SLC5A4: variants seen among roughly 807,000 people sequenced by gnomAD.
The protein encoded by SLC5A4 is probable glucose sensor protein SLC5A4.
In SLC5A4, 55 loss-of-function variants were observed where a neutral mutation model predicts 70.3. That is an observed-to-expected ratio of 0.78 (90% CI 0.63 to 0.98). The LOEUF (loss-of-function observed/expected upper bound fraction) is 0.98, where lower values mean the gene tolerates loss of function less well. Ranked by LOEUF, SLC5A4 falls within the 50% of genes least tolerant of loss-of-function variation. The pLI is 0.00. For missense variants in SLC5A4, 735 were observed against 839.2 expected, an observed-to-expected ratio of 0.88 and a Z score of 1.53; for synonymous variants, 268 against 305.7, an observed-to-expected ratio of 0.88 and a Z score of 1.29.
At chr22:32,297,189 C>T in the SLC5A4 span, among the ~76,000 whole-genome samples, 2 of 151,418 alleles carry the variant, frequency 1.3e-5, no homozygotes, top group African/African-American at 4.9e-5. Context: ...GGGAGGATTC[C>T]CTCTTTTTCT....
chr22:32,271,061 C>T, the SLC5A4 span: 1 of 579,264 alleles, frequency 1.7e-6, no homozygotes, highest in African/African-American at 1.8e-5. Flanking sequence ...TTTGGGATCC[C>T]TCTTCAGTCC....
At chr22:32,242,654 A>G (rs1415940237) in intron 5 of SLC5A4, among the ~76,000 whole-genome samples, 1 of 152,204 alleles carries the variant, frequency 6.6e-6, no homozygotes, top group East Asian at 1.9e-4. Context: ...GGTTGCAGTG[A>G]ACTGAGGTCA....
chr22:32,279,443 G>A, the SLC5A4 span, among the ~76,000 whole-genome samples: 1 of 152,156 alleles, frequency 6.6e-6, no homozygotes, highest in African/African-American at 2.4e-5. Flanking sequence ...AACCAAGGAA[G>A]AGGCTGCAAT....
At chr22:32,322,071 G>A in the SLC5A4 span, among the ~76,000 whole-genome samples, 1 of 152,156 alleles carries the variant, frequency 6.6e-6, no homozygotes, top group Non-Finnish European at 1.5e-5. Context: ...GTACAGTAAG[G>A]GACCCATCAC....
chr22:32,333,200 C>CCCCA, the SLC5A4 span, among the ~76,000 whole-genome samples: 3 of 148,420 alleles, frequency 2.0e-5, no homozygotes, highest in East Asian at 6.5e-4. Flanking sequence ...ACTGGCACCC[C>CCCCA]CCCCCCAGAA....
chr22:32,251,885 A>G lies in SLC5A4; in HGVS notation c.208-11T>C. ...GAGAGAGGCGCCCATCTGGAATGCA[A>G]GAGAACAGACTAGGGTTGGAGTTAA... is the stretch of plus-strand genomic sequence containing the variant. On this transcript the variant is annotated splice_polypyrimidine_tract_variant and intron_variant, in intron 2 of 14. Transcript: ENST00000266086. 1 of 1,590,224 alleles carries G rather than the reference A, an allele frequency of 6.3e-7. No individual in the cohort carries two copies. The highest frequency in any genetic ancestry group is 1.1e-5 in the South Asian group (1 of 90,620).
chr22:32,287,141 T>A, the SLC5A4 span, among the ~76,000 whole-genome samples: 3 of 152,204 alleles, frequency 2.0e-5, no homozygotes, highest in Non-Finnish European at 4.4e-5. Context: ...GACATTGTAT[T>A]ACAAAAGAAA....
chr22:32,239,574 A>AT (rs1926363313), intron 5 of SLC5A4, among the ~76,000 whole-genome samples: 1 of 24,974 alleles, frequency 4.0e-5, no homozygotes, highest in African/African-American at 2.3e-4. Context: ...ATATATTTAT[A>AT]TATATATTTA....
At chr22:32,354,085 C>CA in the SLC5A4 span, among the ~76,000 whole-genome samples, 10 of 150,548 alleles carry the variant, frequency 6.6e-5, no homozygotes, top group Admixed American at 2.0e-4. Context: ...CCAGGTAGCA[C>CA]ACCCACCAGC....
In SLC5A4 at chr22:32,237,308, C is replaced by T. The variant is rs971090817; in HGVS notation, c.600G>A (p.Val200=). 15 of 1,603,738 alleles carry T rather than the reference C, an allele frequency of 9.4e-6. No homozygotes were observed. In the African/African-American group the frequency reaches 1.6e-4, roughly 17 times the overall value. The change falls in exon 7 of 15, where the codon GTG becomes GTA. Residue 200 remains valine (V), a synonymous_variant. Transcript: ENST00000266086. ...TGGTCTGGAGGGTGTCTGTGTAAAT[C>T]ACCGAGGCCAAGCCCCCTAGTGAGA... is the stretch of plus-strand genomic sequence containing the variant. The part of the protein sequence containing the change: ...VYTTTGGLAS[V]IYTDTLQTII...
Position 32,224,310 on chromosome 22 carries a change from G to C in SLC5A4, c.1622C>G (p.Thr541Ser), listed in dbSNP as rs773607236. ...IVLFFGSMLV[T>S]LGISLLTKPI... ...TTTTGTTAAGAGGGAAATTCCCAGG[G>C]TGACCAGCATGGACCCAAAAAAGAG... Residue 541 changes from threonine (T) to serine (S), a missense_variant, in exon 13 of 15, where the codon ACC becomes AGC. Physicochemically the swap from Thr to Ser is moderately conservative, Grantham distance 58 (BLOSUM62 1). Coordinates refer to ENST00000266086, the MANE Select transcript of SLC5A4 (RefSeq NM_014227.3). The C allele has an allele frequency of 8.1e-6, 13 of 1,613,900 alleles. No individual in the cohort carries two copies. The highest frequency in any genetic ancestry group is 4.5e-5 in the East Asian group (2 of 44,892).
the SLC5A4 span, among the ~76,000 whole-genome samples, chr22:32,261,755 A>C: frequency 2.0e-5 from 3 of 152,302 alleles, no homozygotes; most frequent in Admixed American, 1.3e-4. Flanking sequence ...TTGTGCTATC[A>C]AATAGTATGT....
chr22:32,339,147 G>A, the SLC5A4 span, among the ~76,000 whole-genome samples: 6 of 152,166 alleles, frequency 3.9e-5, no homozygotes, highest in Non-Finnish European at 5.9e-5. Flanking sequence ...TTAGAGACGC[G>A]CAAAAGCAGG....
intron 10 of SLC5A4, among the ~76,000 whole-genome samples, 199 bp downstream of exon 10, chr22:32,230,769 C>A (rs978305905): frequency 7.9e-5 from 12 of 152,210 alleles, no homozygotes; most frequent in African/African-American, 2.9e-4. Context: ...AGTAAGAATT[C>A]TTCTAACAGT....
chr22:32,285,002 A>G, the SLC5A4 span: 2 of 152,346 alleles, frequency 1.3e-5, no homozygotes, highest in African/African-American at 4.8e-5. Flanking sequence ...CTTTGGCAAA[A>G]ATCAAAAAAG....
intron 9 of SLC5A4, among the ~76,000 whole-genome samples, chr22:32,232,027 A>C (rs763588670): frequency 6.6e-5 from 10 of 152,014 alleles, no homozygotes; most frequent in Non-Finnish European, 1.0e-4. Flanking sequence ...ACTACAGAAC[A>C]CATCACCATG....
the SLC5A4 span, among the ~76,000 whole-genome samples, chr22:32,336,182 C>T: frequency 6.6e-6 from 1 of 152,042 alleles, no homozygotes; most frequent in African/African-American, 2.4e-5. Context: ...TTACTGCCAC[C>T]GGCCCAACCA....
the SLC5A4 span, among the ~76,000 whole-genome samples, chr22:32,306,030 C>A: frequency 1.3e-5 from 2 of 152,074 alleles, no homozygotes; most frequent in African/African-American, 2.4e-5. Flanking sequence ...AGTCCCTGGT[C>A]CTCCATCCTC....
chr22:32,354,886 G>A, the SLC5A4 span: 1 of 152,388 alleles, frequency 6.6e-6, no homozygotes, highest in African/African-American at 2.4e-5. Flanking sequence ...CCGCACCAAC[G>A]GCAGCAGCGA....
Sources: allele counts gnomAD v4.1 joint callset (sites outside exome capture counted in the v4.1 genomes callset), GRCh38; gene constraint gnomAD v4.1.1; transcripts MANE v1.5; gene names NCBI Gene and HGNC (gene_info 2026-07-23, HGNC 2026-07-21).